The following PCDHGB1 variants were observed in gnomAD, a reference collection of about 807,000 sequenced individuals.
PCDHGB1 encodes the protein protocadherin gamma subfamily B, 1.
A neutral mutation model predicts 56.6 loss-of-function variants in PCDHGB1; 34 were observed. The ratio of observed to expected loss-of-function variants is 0.60; its 90% CI spans 0.46 to 0.80. The LOEUF (loss-of-function observed/expected upper bound fraction) is 0.80. PCDHGB1 is among the 30% of genes least tolerant of loss of function. The pLI is 0.00. For missense variants in PCDHGB1, 1,278 were observed against 1,204.6 expected, an observed-to-expected ratio of 1.06 and a Z score of -0.90; for synonymous variants, 561 against 505.9, an observed-to-expected ratio of 1.11 and a Z score of -1.46.
chr5:141,481,868 C>A (rs983373194), intron 1 of PCDHGB1, among the ~76,000 whole-genome samples: 4 of 147,412 alleles, frequency 2.7e-5, no homozygotes, highest in African/African-American at 1.0e-4. Flanking sequence ...GAGCCGAGAT[C>A]GCGCCACTGC....
chr5:141,484,096 G>A (rs539388257), intron 1 of PCDHGB1, among the ~76,000 whole-genome samples: 1 of 152,126 alleles, frequency 6.6e-6, no homozygotes, highest in South Asian at 2.1e-4. Flanking sequence ...GTCTTCGTTG[G>A]TAATTAACAA....
chr5:141,441,041 C>T (rs2098220628), intron 1 of PCDHGB1: 1 of 152,152 alleles, frequency 6.6e-6, no homozygotes, highest in African/African-American at 2.4e-5. Context: ...ACTTTAAGTA[C>T]ATTGGACTTT....
At chr5:141,430,815 T>A in intron 1 of PCDHGB1, 1 of 1,535,252 alleles carries the variant, frequency 6.5e-7, no homozygotes, top group Non-Finnish European at 8.7e-7. Flanking sequence ...CTGGGAATCC[T>A]CCTGGGGACT....
chr5:141,480,241 A>C (rs895691864), intron 1 of PCDHGB1, among the ~76,000 whole-genome samples: 58 of 97,306 alleles, frequency 6.0e-4, no homozygotes, highest in African/African-American at 2.2e-3. Context: ...CTGTCTCTAC[A>C]AAAAAAAAAA....
At chr5:141,422,806 C>A in intron 1 of PCDHGB1, 1 of 1,614,208 alleles carries the variant, frequency 6.2e-7, no homozygotes, top group Non-Finnish European at 8.5e-7. Flanking sequence ...TGAGCAGTTT[C>A]GAGACTTAGA....
chr5:141,503,665 C>A (rs1210514896), intron 2 of PCDHGB1, among the ~76,000 whole-genome samples: 2 of 151,792 alleles, frequency 1.3e-5, no homozygotes, highest in African/African-American at 4.8e-5. Flanking sequence ...AATTACAACT[C>A]TTCCCACTTT....
Position 141,477,917 on chromosome 5 carries a change from G to C in PCDHGB1, c.2410-16890G>C. 6.2e-7 allele frequency: 1 copy of C among 1,614,186 alleles called. No individual in the cohort carries two copies. The highest frequency in any genetic ancestry group is 2.2e-5 in the East Asian group (1 of 44,868). On this transcript the variant is annotated intron_variant, in intron 1 of 3. Transcript: ENST00000523390. The surrounding 1 kb of genome is among the most constrained non-coding windows in gnomAD (Gnocchi z 4.9). ...GGTGGTAGGCTGGGACGCGGATGCA[G>C]GGCACAATGCCTGGCTCTCCTACAG...
intron 1 of PCDHGB1, chr5:141,391,305 T>TC (rs1349412285): frequency 6.6e-6 from 1 of 151,546 alleles, no homozygotes; most frequent in African/African-American, 2.4e-5. Flanking sequence ...GTCTTTCGAT[T>TC]CTTTTTTTTT....
intron 1 of PCDHGB1, among the ~76,000 whole-genome samples, chr5:141,466,493 A>G (rs2099123402): frequency 6.6e-6 from 1 of 152,226 alleles, no homozygotes; most frequent in South Asian, 2.1e-4. Context: ...TTCTTTAATT[A>G]GAGCACAGAC....
At chr5:141,414,622 C>T in intron 1 of PCDHGB1, 1 of 1,613,956 alleles carries the variant, frequency 6.2e-7, no homozygotes. Context: ...AGCGCTGGAC[C>T]CGGACAGCAA....
At chr5:141,355,245 G>C (rs1451963351) in intron 1 of PCDHGB1, 6 of 1,613,186 alleles carry the variant, frequency 3.7e-6, no homozygotes, top group Non-Finnish European at 5.1e-6. Flanking sequence ...GGCTGCTCCA[G>C]ATCTGCCTTC....
At chr5:141,405,795 G>T (rs2094718009) in intron 1 of PCDHGB1, among the ~76,000 whole-genome samples, 1 of 149,108 alleles carries the variant, frequency 6.7e-6, no homozygotes, top group African/African-American at 2.4e-5. Context: ...TTCTATTATA[G>T]TTAGCTTTCT....
chr5:141,485,654 G>A lies in PCDHGB1; in HGVS notation c.2410-9153G>A, dbSNP rs2099617203. 6.2e-7 allele frequency: 1 copy of A among 1,612,482 alleles called. No individual in the cohort carries two copies. The highest frequency in any genetic ancestry group is 8.5e-7 in the Non-Finnish European group (1 of 1,178,842). On this transcript the variant is annotated intron_variant, in intron 1 of 3. Coordinates refer to ENST00000523390, the MANE Select transcript of PCDHGB1 (RefSeq NM_018922.3). The surrounding 1 kb of genome is among the most constrained non-coding windows in gnomAD (Gnocchi z 5.7). ...CCCGTTGGAAAAGGCTCAGGATGCA[G>A]ATGTGGGGAGCAATTCGATTAGCAG... is the stretch of plus-strand genomic sequence containing the variant.
chr5:141,367,493 C>G (rs1262243719), intron 1 of PCDHGB1: 1 of 151,842 alleles, frequency 6.6e-6, no homozygotes, highest in Non-Finnish European at 1.5e-5. Context: ...GCCGAGATCG[C>G]GCCACTGCAC....
intron 1 of PCDHGB1, among the ~76,000 whole-genome samples, chr5:141,472,516 G>T (rs545962540): frequency 2.0e-5 from 3 of 152,072 alleles, no homozygotes; most frequent in Non-Finnish European, 4.4e-5. Flanking sequence ...CTCCAGCCTG[G>T]GTGACAGAGT....
intron 1 of PCDHGB1, among the ~76,000 whole-genome samples, chr5:141,425,555 A>T (rs1282440598): frequency 6.6e-6 from 1 of 152,270 alleles, no homozygotes; most frequent in African/African-American, 2.4e-5. Flanking sequence ...AACCTCTTTT[A>T]TAAGTGATAA....
Position 141,415,491 on chromosome 5 carries a change from G to C in PCDHGB1, c.2409+62822G>C, listed in dbSNP as rs1386703838. 3.7e-6 allele frequency: 6 copies of C among 1,614,090 alleles called. No homozygotes were observed. The Admixed American group carries it at 8.3e-5, about 22-fold the overall frequency. ...CCGCGGACTCGCGAAAGAGTCACCTGATCTTCCCCCAGCCCAATTATGCGG... is the reference window on the plus strand; with the variant it reads ...CCGCGGACTCGCGAAAGAGTCACCTCATCTTCCCCCAGCCCAATTATGCGG... On this transcript the variant is annotated intron_variant, in intron 1 of 3. Coordinates refer to ENST00000523390, the MANE Select transcript of PCDHGB1 (RefSeq NM_018922.3).
chr5:141,442,153 C>T, intron 1 of PCDHGB1: 1 of 158,698 alleles, frequency 6.3e-6, no homozygotes, highest in Non-Finnish European at 1.4e-5. Flanking sequence ...CAGACCTCAG[C>T]GATCACTCTG....
chr5:141,421,916 G>T (rs754653877), intron 1 of PCDHGB1: 1 of 1,613,528 alleles, frequency 6.2e-7, no homozygotes. Flanking sequence ...GTTCCCATTC[G>T]TGTGGTGGTC....
Sources: gnomAD v4.1 joint callset for allele counts (sites outside exome capture counted in the v4.1 genomes callset) on GRCh38, gnomAD v4.1.1 for gene constraint, Gnocchi (gnomAD v3.1) non-coding constraint, MANE v1.5 for transcripts, NCBI Gene and HGNC (gene_info 2026-07-23, HGNC 2026-07-21) for gene names.